The following GRID2 variants were observed in gnomAD, a reference collection of about 807,000 sequenced individuals.
GRID2 encodes glutamate ionotropic receptor delta type subunit 2.
Under a neutral mutation model 114.8 loss-of-function variants are expected in GRID2, and 33 were observed. The observed-to-expected ratio is 0.29, with a 90% CI of 0.22 to 0.38. The LOEUF (loss-of-function observed/expected upper bound fraction) is 0.38. Ranked by LOEUF, GRID2 falls within the 10% of genes least tolerant of loss-of-function variation. GRID2 has a pLI of 1.00. For missense variants in GRID2, 1,184 were observed against 1,257.7 expected (o/e 0.94, Z 0.89); for synonymous variants, 505 against 449.9 (o/e 1.12, Z -1.55).
intron 5 of GRID2, among the ~76,000 whole-genome samples, chr4:93,207,846 G>C (rs1039220354): frequency 6.6e-6 from 1 of 151,864 alleles, no homozygotes; most frequent in Non-Finnish European, 1.5e-5. Flanking sequence ...CTCCTTACAT[G>C]AGTATTAAAA....
chr4:92,936,870 A>G (rs1308839030), intron 2 of GRID2, among the ~76,000 whole-genome samples: 1 of 146,588 alleles, frequency 6.8e-6, no homozygotes, highest in Non-Finnish European at 1.5e-5. Context: ...TTTGTTTTTT[A>G]TTATAGCCCC....
intron 3 of GRID2, among the ~76,000 whole-genome samples, chr4:93,097,443 G>A (rs1305341242): frequency 6.6e-6 from 1 of 151,682 alleles, no homozygotes; most frequent in Non-Finnish European, 1.5e-5. Flanking sequence ...ATAAAAAAAA[G>A]GTGAGAATTT....
At chr4:93,025,656 G>T (rs2149251318) in intron 2 of GRID2, among the ~76,000 whole-genome samples, 1 of 151,502 alleles carries the variant, frequency 6.6e-6, no homozygotes, top group African/African-American at 2.4e-5. Flanking sequence ...CTACCACCGG[G>T]GCAAACTTCC....
At chr4:93,118,028 T>G (rs1733442970) in intron 4 of GRID2, among the ~76,000 whole-genome samples, 1 of 152,154 alleles carries the variant, frequency 6.6e-6, no homozygotes, top group African/African-American at 2.4e-5. Context: ...TTTTGAGCTC[T>G]CCATCTCACA....
chr4:93,122,965 G>A (rs1189579124), intron 4 of GRID2, among the ~76,000 whole-genome samples: 1 of 127,586 alleles, frequency 7.8e-6, no homozygotes, highest in East Asian at 2.5e-4. Context: ...AATTGTATAT[G>A]ATAGTTCTTG....
intron 2 of GRID2, among the ~76,000 whole-genome samples, chr4:92,700,625 A>G (rs1370765869): frequency 6.6e-6 from 1 of 152,226 alleles, no homozygotes; most frequent in Non-Finnish European, 1.5e-5. Context: ...TAGACCAGGG[A>G]AGACACGGGT....
chr4:92,915,454 T>G (rs1215597592), intron 2 of GRID2, among the ~76,000 whole-genome samples: 1 of 152,138 alleles, frequency 6.6e-6, no homozygotes, highest in Non-Finnish European at 1.5e-5. Flanking sequence ...GTGTACTTAT[T>G]TTGTGAAAAT....
chr4:93,189,471 C>G (rs1299448582), intron 4 of GRID2, among the ~76,000 whole-genome samples: 4 of 152,124 alleles, frequency 2.6e-5, no homozygotes, highest in Non-Finnish European at 5.9e-5. Context: ...AAGGGCCCAT[C>G]TTCTAATACC....
At chr4:93,119,720 A>T (rs1473539083) in intron 4 of GRID2, among the ~76,000 whole-genome samples, 1 of 152,200 alleles carries the variant, frequency 6.6e-6, no homozygotes, top group African/African-American at 2.4e-5. Context: ...TCAAACAACA[A>T]AAAGGCAAAG....
intron 1 of GRID2, among the ~76,000 whole-genome samples, chr4:92,477,086 TGTGTGTGTGTG>T (rs1722355777): frequency 4.1e-5 from 6 of 144,956 alleles, no homozygotes; most frequent in Admixed American, 4.1e-4. Context: ...TGTGTGTGTG[TGTGTGTGTGTG>T]TTTGCTTAGT....
intron 2 of GRID2, among the ~76,000 whole-genome samples, chr4:92,976,961 C>G (rs1010315949): frequency 6.6e-6 from 1 of 152,140 alleles, no homozygotes; most frequent in East Asian, 1.9e-4. Context: ...AGATTAGCAT[C>G]CATGACTGAC....
Position 92,843,126 on chromosome 4 carries a change from C to T in GRID2, c.245-241869C>T, listed in dbSNP as rs150766827. Among the ~76,000 whole-genome samples, 871 of 151,836 alleles carry T rather than the reference C, an allele frequency of 5.7e-3. 15 individuals are homozygous for T. The highest frequency in any genetic ancestry group is 0.02 in the African/African-American group (827 of 41,426). On this transcript the variant is annotated intron_variant, in intron 2 of 15. Coordinates refer to ENST00000282020, the MANE Select transcript of GRID2 (RefSeq NM_001510.4). ...GGAGGGGTAACACATACCTGTAGTC[C>T]CAGCTACTTGGAAGCTGAGGTGGGA...
chr4:93,250,240 C>A (rs1215389917), intron 8 of GRID2, among the ~76,000 whole-genome samples: 2 of 152,006 alleles, frequency 1.3e-5, no homozygotes, highest in African/African-American at 4.8e-5. Context: ...CAAACTAACG[C>A]AGGAACAGAA....
chr4:92,628,652 C>CA (rs1255432654), intron 2 of GRID2, among the ~76,000 whole-genome samples: 3 of 152,164 alleles, frequency 2.0e-5, no homozygotes, highest in African/African-American at 7.2e-5. Flanking sequence ...GCCATAGCGC[C>CA]AGGCCCCACT....
chr4:92,685,236 T>C (rs1399967944), intron 2 of GRID2, among the ~76,000 whole-genome samples: 2 of 152,084 alleles, frequency 1.3e-5, no homozygotes, highest in Non-Finnish European at 2.9e-5. Context: ...CTGAACTGTA[T>C]AGTAGCTAGA....
intron 2 of GRID2, among the ~76,000 whole-genome samples, chr4:92,824,046 G>C (rs1741486763): frequency 6.6e-6 from 1 of 152,118 alleles, no homozygotes; most frequent in Admixed American, 6.6e-5. Flanking sequence ...CAATCTGGCT[G>C]GTAGTTCAGG....
In GRID2 at chr4:93,078,449, G is replaced by A. The variant is rs550883344; in HGVS notation, c.245-6546G>A. On this transcript the variant is annotated intron_variant, in intron 2 of 15. Transcript: ENST00000282020. Reference sequence around the variant, plus strand: ...TATTTTGGGCCATTTTGCACCCTGAGTACCTGGTACTTGCCTGATATAGAA... The same window carrying A: ...TATTTTGGGCCATTTTGCACCCTGAATACCTGGTACTTGCCTGATATAGAA... 5.3e-5 allele frequency among the ~76,000 whole-genome samples: 8 copies of A among 151,668 alleles called. No individual in the cohort carries two copies. The East Asian group carries it at 1.2e-3, about 22-fold the overall frequency.
At chr4:92,916,866 G>A (rs1404377252) in intron 2 of GRID2, among the ~76,000 whole-genome samples, 3 of 151,966 alleles carry the variant, frequency 2.0e-5, no homozygotes, top group Non-Finnish European at 2.9e-5. Flanking sequence ...TAATCCTTTG[G>A]GTATATACCC....
intron 2 of GRID2, among the ~76,000 whole-genome samples, chr4:93,008,163 C>T (rs1721759594): frequency 6.6e-6 from 1 of 151,686 alleles, no homozygotes; most frequent in Non-Finnish European, 1.5e-5. Context: ...AAAATCTTAA[C>T]TTTCTCTCAA....
Sources: allele counts gnomAD v4.1 joint callset (sites outside exome capture counted in the v4.1 genomes callset), GRCh38; gene constraint gnomAD v4.1.1; transcripts MANE v1.5; gene names NCBI Gene and HGNC (gene_info 2026-07-23, HGNC 2026-07-21).